Variants in MEI4 observed in about 807,000 individuals in gnomAD.
MEI4 encodes the protein meiosis-specific protein MEI4.
Under a neutral mutation model 31.4 loss-of-function variants are expected in MEI4, and 27 were observed. That is an observed-to-expected ratio of 0.86 (90% CI 0.63 to 1.19). MEI4 has a LOEUF of 1.19. MEI4 is among the 50% of genes most tolerant of loss of function. MEI4 has a pLI of 0.00. For synonymous variants in MEI4, 122 were observed against 145.4 expected (o/e 0.84, Z 1.16); for missense variants, 329 against 398.9 (o/e 0.82, Z 1.49).
chr6:77,794,219 G>A (rs1769016857), intron 3 of MEI4, among the ~76,000 whole-genome samples: 1 of 152,156 alleles, frequency 6.6e-6, no homozygotes, highest in Non-Finnish European at 1.5e-5. Flanking sequence ...ACTGTATAAT[G>A]TTAAAGGGGT....
chr6:77,924,810 C>CAAAG lies in MEI4; in HGVS notation c.*1468_*1471dup, dbSNP rs1327814945. The CAAAG allele has an allele frequency of 2.6e-5, 4 of 151,806 alleles. No homozygotes were observed. Among genetic ancestry groups the CAAAG allele is most frequent in the South Asian group, 2.1e-4 (1 of 4,814 alleles). The allele number at this position is 151,806 out of a possible 1,614,324, so 9.4% of individuals were successfully genotyped here. A position where few individuals can be genotyped will look rare whatever the true frequency, so the allele number is the denominator to read the frequency against. ...TCAAAGTACATCAAATGGTCAAGCCCAAAGAAAAGTGACTGACAGGGGAGT... is the reference window on the plus strand; with the variant it reads ...TCAAAGTACATCAAATGGTCAAGCCCAAAGAAAGAAAAGTGACTGACAGGGGAGT... On this transcript the variant is annotated 3_prime_UTR_variant, in exon 5 of 5. Transcript: ENST00000684080.
chr6:77,908,384 A>G (rs1766349318), intron 4 of MEI4, among the ~76,000 whole-genome samples: 1 of 152,180 alleles, frequency 6.6e-6, no homozygotes, highest in Non-Finnish European at 1.5e-5. Flanking sequence ...CAGTTTTCCC[A>G]GCACCATTTA....
intron 3 of MEI4, among the ~76,000 whole-genome samples, chr6:77,805,210 A>G (rs1255843334): frequency 2.0e-5 from 3 of 152,112 alleles, no homozygotes; most frequent in Non-Finnish European, 2.9e-5. Flanking sequence ...CCTTCCCACC[A>G]TGTCACCCCT....
At chr6:77,804,189 G>T (rs1769363735) in intron 3 of MEI4, among the ~76,000 whole-genome samples, 1 of 152,106 alleles carries the variant, frequency 6.6e-6, no homozygotes, top group Non-Finnish European at 1.5e-5. Context: ...CCCTCCCCCA[G>T]CCTCGCTACC....
chr6:77,919,265 A>C (rs1489235134), intron 4 of MEI4, among the ~76,000 whole-genome samples: 3 of 152,108 alleles, frequency 2.0e-5, no homozygotes, highest in Non-Finnish European at 1.5e-5. Flanking sequence ...TCTCCTCAGC[A>C]TATGTAAAAG....
At chr6:77,785,743 A>G (rs1229235831) in intron 3 of MEI4, among the ~76,000 whole-genome samples, 2 of 152,176 alleles carry the variant, frequency 1.3e-5, no homozygotes, top group Non-Finnish European at 2.9e-5. Context: ...TTTCTTCGTT[A>G]GAGAGCTTTT....
intron 2 of MEI4, among the ~76,000 whole-genome samples, chr6:77,695,530 C>T (rs1368007588): frequency 3.3e-5 from 5 of 152,150 alleles, no homozygotes; most frequent in Admixed American, 2.6e-4. Context: ...AATCCTTTCC[C>T]CAATGCTTGT....
At chr6:77,665,325 A>G (rs2127643694) in intron 1 of MEI4, among the ~76,000 whole-genome samples, 1 of 152,006 alleles carries the variant, frequency 6.6e-6, no homozygotes, top group Admixed American at 6.5e-5. Flanking sequence ...GGTGAAAGAT[A>G]AGGGGTTGAG....
chr6:77,912,497 A>C (rs552047413), intron 4 of MEI4, among the ~76,000 whole-genome samples: 1 of 152,200 alleles, frequency 6.6e-6, no homozygotes, highest in South Asian at 2.1e-4. Context: ...TTTTGTTATC[A>C]GTAGTCTGTA....
chr6:77,688,774 A>G (rs1769105062), intron 1 of MEI4, among the ~76,000 whole-genome samples: 1 of 152,108 alleles, frequency 6.6e-6, no homozygotes, highest in African/African-American at 2.4e-5. Context: ...ATCATTATGT[A>G]TTAGCAAACT....
intron 3 of MEI4, among the ~76,000 whole-genome samples, chr6:77,804,177 G>A (rs1014518522): frequency 2.0e-5 from 3 of 152,080 alleles, no homozygotes; most frequent in South Asian, 2.1e-4. Flanking sequence ...AATGGCGGAC[G>A]CCCCTCCCCC....
intron 4 of MEI4, among the ~76,000 whole-genome samples, chr6:77,889,122 T>C (rs1312623192): frequency 6.6e-6 from 1 of 151,980 alleles, no homozygotes; most frequent in Non-Finnish European, 1.5e-5. Context: ...CCACAGAGAG[T>C]GGGATGCTGT....
chr6:77,858,121 T>G (rs1335273075), intron 4 of MEI4, among the ~76,000 whole-genome samples: 1 of 152,230 alleles, frequency 6.6e-6, no homozygotes, highest in Non-Finnish European at 1.5e-5. Flanking sequence ...CACAATAGTT[T>G]CAGTTATCTA....
intron 2 of MEI4, among the ~76,000 whole-genome samples, chr6:77,745,040 G>C (rs1482024393): frequency 6.6e-6 from 1 of 152,138 alleles, no homozygotes; most frequent in South Asian, 2.1e-4. Context: ...GACCATTGAG[G>C]CTAGGAGGAA....
At chr6:77,888,324 T>C (rs958205017) in intron 4 of MEI4, among the ~76,000 whole-genome samples, 1 of 132,542 alleles carries the variant, frequency 7.5e-6, no homozygotes, top group African/African-American at 3.0e-5. Flanking sequence ...TTTTTTTGTA[T>C]ATCCTTTTTC....
intron 2 of MEI4, among the ~76,000 whole-genome samples, chr6:77,702,965 C>T (rs150799019): frequency 5.3e-5 from 8 of 152,166 alleles, no homozygotes; most frequent in Admixed American, 2.6e-4. Flanking sequence ...CTAACTACCT[C>T]CCTAGACTAG....
chr6:77,904,341 A>C (rs945564185), intron 4 of MEI4, among the ~76,000 whole-genome samples: 10 of 152,054 alleles, frequency 6.6e-5, no homozygotes, highest in African/African-American at 2.2e-4. Context: ...CAGGGAGTAC[A>C]TGTGCAGTTT....
intron 2 of MEI4, among the ~76,000 whole-genome samples, chr6:77,693,983 A>G (rs750023331): frequency 2.0e-5 from 3 of 152,170 alleles, no homozygotes; most frequent in Non-Finnish European, 4.4e-5. Context: ...TTCAGTTTAC[A>G]GCATCAACTA....
chr6:77,679,384 G>C (rs1768908657), intron 1 of MEI4, among the ~76,000 whole-genome samples: 1 of 150,628 alleles, frequency 6.6e-6, no homozygotes, highest in Non-Finnish European at 1.5e-5. Context: ...GATATATTTA[G>C]ATACACAAAT....
Sources: allele counts gnomAD v4.1 joint callset (sites outside exome capture counted in the v4.1 genomes callset), GRCh38; gene constraint gnomAD v4.1.1; transcripts MANE v1.5; gene names NCBI Gene and HGNC (gene_info 2026-07-23, HGNC 2026-07-21).